Variants in PPP3CA observed in about 807,000 individuals in gnomAD.
PPP3CA encodes the protein CAM-PRP catalytic subunit.
Under a neutral mutation model 66.5 loss-of-function variants are expected in PPP3CA, and 14 were observed. That is an observed-to-expected ratio of 0.21 (90% CI 0.14 to 0.33). PPP3CA has a LOEUF of 0.33. Ranked by LOEUF, PPP3CA falls within the 10% of genes least tolerant of loss-of-function variation. The pLI is 1.00. For missense variants in PPP3CA, 317 were observed against 639.5 expected (o/e 0.50, Z 5.44); for synonymous variants, 232 against 226.2 (o/e 1.03, Z -0.23).
chr4:101,115,673 C>T (rs1721817235), intron 2 of PPP3CA, among the ~76,000 whole-genome samples: 1 of 151,838 alleles, frequency 6.6e-6, no homozygotes, highest in Admixed American at 6.6e-5. Flanking sequence ...TCTGATACAG[C>T]TGTCACCCTG....
chr4:101,098,581 T>G (rs1238780514), intron 4 of PPP3CA, 69 bp from the exon 5 acceptor site: 1 of 1,466,588 alleles, frequency 6.8e-7, no homozygotes, highest in Non-Finnish European at 9.2e-7. Context: ...TAGTTTTGGT[T>G]TTTTGAGAAG....
intron 2 of PPP3CA, among the ~76,000 whole-genome samples, chr4:101,111,744 T>C (rs1020252189): frequency 6.6e-6 from 1 of 152,160 alleles, no homozygotes; most frequent in Non-Finnish European, 1.5e-5. Flanking sequence ...ATGGGGGTGA[T>C]ACTGGTACCT....
intron 1 of PPP3CA, among the ~76,000 whole-genome samples, chr4:101,253,326 T>C (rs1726737482): frequency 6.6e-6 from 1 of 152,144 alleles, no homozygotes; most frequent in Non-Finnish European, 1.5e-5. Flanking sequence ...AATGTTAACT[T>C]GGCACCGTTC....
At position 101,099,612 on chromosome 4, in the gene PPP3CA, T is replaced by C. The variant is rs756880747; in HGVS notation, c.495A>G (p.Glu165=). ...GGAAGGAGGTTGAAGTATACTTACATTCTTGTTTAAATGTGAAATACTCTG... is the reference window on the plus strand; with the variant it reads ...GGAAGGAGGTTGAAGTATACTTACACTCTTGTTTAAATGTGAAATACTCTG... The part of the protein sequence containing the change: ...HLTEYFTFKQ[E]CKIKYSERVY... Residue 165 remains glutamate (E), a splice_region_variant and synonymous_variant, in exon 4 of 14, where the codon GAA becomes GAG. Coordinates refer to ENST00000394854, the MANE Select transcript of PPP3CA (RefSeq NM_000944.5). The C allele has an allele frequency of 6.5e-7, 1 of 1,549,346 alleles. No individual in the cohort carries two copies. The highest frequency in any genetic ancestry group is 1.8e-5 in the Admixed American group (1 of 55,594).
At position 101,229,885 on chromosome 4, in the gene PPP3CA, C is replaced by T. The variant is rs540737331; in HGVS notation, c.59-33769G>A. 9.3e-4 allele frequency among the ~76,000 whole-genome samples: 140 copies of T among 150,090 alleles called. 1 individual carries two copies. In the South Asian group the frequency reaches 9.6e-3, roughly 10 times the overall value. ...GGCAAAAAGAAAAGTGAGATAGTAA[C>T]GAAAAAAATTGGGAAAGGATAGAAG... is the stretch of plus-strand genomic sequence containing the variant. On this transcript the variant is annotated intron_variant, in intron 1 of 13. Coordinates refer to ENST00000394854, the MANE Select transcript of PPP3CA (RefSeq NM_000944.5).
At chr4:101,294,556 A>G (rs544194460) in intron 1 of PPP3CA, among the ~76,000 whole-genome samples, 1 of 151,372 alleles carries the variant, frequency 6.6e-6, no homozygotes, top group South Asian at 2.1e-4. Context: ...ATTAAGGCCT[A>G]TATTTGTCTC....
In PPP3CA at chr4:101,333,270, G is replaced by GTTTTT. The variant is rs70961788; in HGVS notation, c.58+13464_58+13468dup. Among the ~76,000 whole-genome samples the GTTTTT allele has an allele frequency of 3.3e-3, 154 of 47,246 alleles. 30 individuals carry two copies. Among genetic ancestry groups the GTTTTT allele is most frequent in the Non-Finnish European group, 6.2e-3 (124 of 20,146 alleles). 31.0% of individuals were successfully genotyped at this position (47,246 alleles called of 152,430 possible). A position where few individuals can be genotyped will look rare whatever the true frequency, so the allele number is the denominator to read the frequency against. Reference sequence around the variant, plus strand: ...CTACAGGCATGCACTACCATGCCCAGTTTTTTTTTTTTTTTTTTTTTTTTT... The same window carrying GTTTTT: ...CTACAGGCATGCACTACCATGCCCAGTTTTTTTTTTTTTTTTTTTTTTTTTTTTTT... On this transcript the variant is annotated intron_variant, in intron 1 of 13. Transcript: ENST00000394854.
At chr4:101,221,783 A>G (rs1725632745) in intron 1 of PPP3CA, among the ~76,000 whole-genome samples, 1 of 151,594 alleles carries the variant, frequency 6.6e-6, no homozygotes, top group Non-Finnish European at 1.5e-5. Flanking sequence ...TTGTACAAAA[A>G]TAATATATAA....
In PPP3CA at chr4:101,094,403, T is replaced by C. The variant is rs187504525; in HGVS notation, c.643-488A>G. 1.6e-4 allele frequency among the ~76,000 whole-genome samples: 24 copies of C among 152,356 alleles called. No homozygotes were observed. In the East Asian group the frequency reaches 3.1e-3, roughly 20 times the overall value. On this transcript the variant is annotated intron_variant, in intron 5 of 13. Coordinates refer to ENST00000394854, the MANE Select transcript of PPP3CA (RefSeq NM_000944.5). ...GATGGAAAACAACTCCTAGTTTTCA[T>C]GCTTATGTTATTTTTTTATATTTAA...
intron 1 of PPP3CA, among the ~76,000 whole-genome samples, chr4:101,326,244 A>G (rs917809808): frequency 6.6e-6 from 1 of 152,178 alleles, no homozygotes; most frequent in Non-Finnish European, 1.5e-5. Flanking sequence ...TATATCTGAC[A>G]TTTTTTCAAA....
chr4:101,171,134 C>T lies in PPP3CA; in HGVS notation c.259+24782G>A, dbSNP rs184764601. The T allele has an allele frequency of 3.0e-3, 1,372 of 454,850 alleles. 2 individuals carry two copies. The highest frequency in any genetic ancestry group is 6.5e-3 in the Admixed American group (276 of 42,400). The allele number at this position is 454,850 out of a possible 1,614,324, so 28.2% of individuals were successfully genotyped here. ...TGGGTGGTTGTCAGTAGTTTACATT[C>T]CTTCCCTGCCATGTGTGAAATCTCC... On this transcript the variant is annotated intron_variant, in intron 2 of 13. Transcript: ENST00000394854.
chr4:101,167,457 T>C (rs982502277), intron 2 of PPP3CA, among the ~76,000 whole-genome samples: 1 of 152,178 alleles, frequency 6.6e-6, no homozygotes, highest in Non-Finnish European at 1.5e-5. Context: ...AAGAGCTTAA[T>C]ATATGTGATG....
intron 1 of PPP3CA, among the ~76,000 whole-genome samples, chr4:101,331,582 G>A (rs1314746199): frequency 1.3e-5 from 2 of 152,128 alleles, no homozygotes. Context: ...GCTGGTAAGG[G>A]TTTCAGAGAA....
At chr4:101,166,404 C>T (rs1723695703) in intron 2 of PPP3CA, among the ~76,000 whole-genome samples, 1 of 152,148 alleles carries the variant, frequency 6.6e-6, no homozygotes, top group Non-Finnish European at 1.5e-5. Flanking sequence ...TCAGTCTCAA[C>T]ACAAAGATTT....
chr4:101,078,972 C>A (rs1560590730), intron 8 of PPP3CA, among the ~76,000 whole-genome samples: 1 of 152,180 alleles, frequency 6.6e-6, no homozygotes, highest in Non-Finnish European at 1.5e-5. Flanking sequence ...ATGGTTACAA[C>A]AAAAACTGCA....
At chr4:101,227,129 CAT>C (rs1725809219) in intron 1 of PPP3CA, among the ~76,000 whole-genome samples, 1 of 151,448 alleles carries the variant, frequency 6.6e-6, no homozygotes, top group Non-Finnish European at 1.5e-5. Flanking sequence ...CACATACATA[CAT>C]ACATACATAC....
chr4:101,048,448 GTTC>G (rs937118226), intron 10 of PPP3CA, among the ~76,000 whole-genome samples: 4 of 125,242 alleles, frequency 3.2e-5, no homozygotes, highest in Non-Finnish European at 6.3e-5. Context: ...ATCCTGCACT[GTTC>G]TTCTACTTAG....
chr4:101,253,093 C>T (rs1346006274), intron 1 of PPP3CA, among the ~76,000 whole-genome samples: 1 of 152,072 alleles, frequency 6.6e-6, no homozygotes, highest in Non-Finnish European at 1.5e-5. Context: ...TCACCAAAAA[C>T]AACAACATTT....
intron 2 of PPP3CA, among the ~76,000 whole-genome samples, chr4:101,178,037 G>A (rs1724118628): frequency 6.6e-6 from 1 of 152,056 alleles, no homozygotes; most frequent in Admixed American, 6.6e-5. Context: ...CTACATATCA[G>A]TTATTACGTG....
Sources: gnomAD v4.1 joint callset for allele counts (sites outside exome capture counted in the v4.1 genomes callset) on GRCh38, gnomAD v4.1.1 for gene constraint, MANE v1.5 for transcripts, NCBI Gene and HGNC (gene_info 2026-07-23, HGNC 2026-07-21) for gene names.